The following KCNH1 variants were observed in gnomAD, a reference collection of about 807,000 sequenced individuals.
KCNH1 encodes the protein voltage-gated delayed rectifier potassium channel KCNH1.
In KCNH1, 27 loss-of-function variants were observed where a neutral mutation model predicts 69.2. The ratio of observed to expected loss-of-function variants is 0.39; its 90% CI spans 0.29 to 0.54. The LOEUF is 0.54. KCNH1 is among the 20% of genes least tolerant of loss of function. KCNH1 has a pLI of 0.68. For synonymous variants in KCNH1, 456 were observed against 487.7 expected (o/e 0.93, Z 0.86); for missense variants, 798 against 1,261.6 (o/e 0.63, Z 5.57).
chr1:211,089,422 T>G (rs939087267), intron 4 of KCNH1, among the ~76,000 whole-genome samples: 4 of 152,218 alleles, frequency 2.6e-5, no homozygotes, highest in African/African-American at 9.6e-5. Flanking sequence ...AGGCTGAAAT[T>G]GATTTATTGA....
chr1:211,064,171 T>C (rs965853740), intron 5 of KCNH1, among the ~76,000 whole-genome samples: 10 of 152,172 alleles, frequency 6.6e-5, no homozygotes, highest in Non-Finnish European at 7.3e-5. Context: ...TTGGATATAG[T>C]AATGCAATGG....
chr1:210,912,332 C>T (rs778341629), intron 7 of KCNH1, among the ~76,000 whole-genome samples: 3 of 152,234 alleles, frequency 2.0e-5, no homozygotes, highest in East Asian at 3.9e-4. Flanking sequence ...GGAGGACTTC[C>T]CAACCACACA....
chr1:210,755,913 CATA>C (rs1683390582), intron 10 of KCNH1, among the ~76,000 whole-genome samples: 1 of 152,186 alleles, frequency 6.6e-6, no homozygotes, highest in Non-Finnish European at 1.5e-5. Context: ...CTTAACTTTA[CATA>C]ATAATTTCAT....
chr1:210,766,581 T>C (rs1460839298), intron 10 of KCNH1, among the ~76,000 whole-genome samples: 2 of 152,132 alleles, frequency 1.3e-5, no homozygotes, highest in African/African-American at 4.8e-5. Flanking sequence ...CTAATTGGAT[T>C]AAAAGACAAG....
intron 10 of KCNH1, among the ~76,000 whole-genome samples, chr1:210,689,673 G>A (rs1281395016): frequency 6.6e-6 from 1 of 152,222 alleles, no homozygotes; most frequent in African/African-American, 2.4e-5. Flanking sequence ...GCAGTAGAAA[G>A]AGCACTGGCT....
intron 1 of KCNH1, among the ~76,000 whole-genome samples, chr1:211,113,974 TCA>T (rs371049407): frequency 0.32 from 45,030 of 141,498 alleles, 6,951 homozygotes; most frequent in Non-Finnish European, 0.4. Flanking sequence ...TCTCTCTCTC[TCA>T]CACACACACA....
At chr1:210,953,720 G>C (rs190851481) in intron 6 of KCNH1, among the ~76,000 whole-genome samples, 1 of 152,004 alleles carries the variant, frequency 6.6e-6, no homozygotes, top group Non-Finnish European at 1.5e-5. Context: ...CAGTGCCTAC[G>C]AGTAAAATTC....
At chr1:210,873,941 A>C (rs1332485082) in intron 7 of KCNH1, among the ~76,000 whole-genome samples, 2 of 152,184 alleles carry the variant, frequency 1.3e-5, no homozygotes, top group Non-Finnish European at 2.9e-5. Context: ...ACATGATTCT[A>C]ATATGCAGTC....
chr1:211,059,948 C>A (rs1272179442), intron 5 of KCNH1, among the ~76,000 whole-genome samples: 1 of 152,104 alleles, frequency 6.6e-6, no homozygotes, highest in South Asian at 2.1e-4. Context: ...CTCCTCAGAA[C>A]ATGAATAATT....
chr1:210,890,699 A>G (rs569038564), intron 7 of KCNH1, among the ~76,000 whole-genome samples: 1 of 147,586 alleles, frequency 6.8e-6, no homozygotes, highest in African/African-American at 2.6e-5. Context: ...AATTGACAAG[A>G]AAAAAAAAAC....
At chr1:210,858,955 C>A in intron 7 of KCNH1, 1 of 475,180 alleles carries the variant, frequency 2.1e-6, no homozygotes, top group South Asian at 3.4e-5. Context: ...CCTAAGGTAC[C>A]TCCAATCCCC....
At chr1:211,011,388 T>C (rs1190836402) in intron 6 of KCNH1, among the ~76,000 whole-genome samples, 1 of 152,188 alleles carries the variant, frequency 6.6e-6, no homozygotes, top group African/African-American at 2.4e-5. Flanking sequence ...TGATGGGAAT[T>C]TGGGTTGGTT....
At position 210,986,531 on chromosome 1, in the gene KCNH1, C is replaced by T. The variant is rs550552895; in HGVS notation, c.1032+32252G>A. 6.9e-4 allele frequency among the ~76,000 whole-genome samples: 105 copies of T among 152,216 alleles called. 1 individual carries two copies. The highest frequency in any genetic ancestry group is 1.2e-3 in the Non-Finnish European group (81 of 68,016). On this transcript the variant is annotated intron_variant, in intron 6 of 10. Transcript: ENST00000271751. The stretch of plus-strand genomic sequence containing the variant: ...TTGTCTGTAAAGGATTTTATTTCTC[C>T]TTCACTTATGAAGCTTAGTTTGGCT...
intron 1 of KCNH1, among the ~76,000 whole-genome samples, chr1:211,127,308 T>C (rs1342834900): frequency 1.3e-5 from 2 of 151,886 alleles, no homozygotes; most frequent in Admixed American, 1.3e-4. Context: ...GAAACAAATA[T>C]AAATCATTCA....
intron 9 of KCNH1, among the ~76,000 whole-genome samples, chr1:210,793,899 T>C (rs1036420222): frequency 6.6e-6 from 1 of 152,228 alleles, no homozygotes. Flanking sequence ...GTGATGGCTG[T>C]CTTTCCACTG....
intron 1 of KCNH1, among the ~76,000 whole-genome samples, chr1:211,128,016 C>T (rs1033580514): frequency 3.9e-5 from 6 of 152,146 alleles, no homozygotes; most frequent in Admixed American, 2.6e-4. Context: ...ACAGGCCAGG[C>T]GTGGTGGCTC....
chr1:211,071,169 ATC>A (rs1466700197), intron 5 of KCNH1, among the ~76,000 whole-genome samples: 6 of 152,232 alleles, frequency 3.9e-5, no homozygotes, highest in African/African-American at 1.2e-4. Flanking sequence ...AATTTATATC[ATC>A]TGTTTCCAAT....
rs1320626597 is a variant in KCNH1 at position 210,679,134 on chromosome 1, A to G, written c.*4147T>C. ...GATGTTTGCAGTCAGTGCTGAGAGG[A>G]TCATGAAGTCTCCCCCAGGTGGAGG... On this transcript the variant is annotated 3_prime_UTR_variant, in exon 11 of 11. Coordinates refer to ENST00000271751, the MANE Select transcript of KCNH1 (RefSeq NM_172362.3). 6.6e-6 allele frequency: 1 copy of G among 152,242 alleles called. No individual in the cohort carries two copies. The highest frequency in any genetic ancestry group is 6.5e-5 in the Admixed American group (1 of 15,284). The allele number at this position is 152,242 out of a possible 1,614,324, so 9.4% of individuals were successfully genotyped here. A position where few individuals can be genotyped will look rare whatever the true frequency, so the allele number is the denominator to read the frequency against.
chr1:210,729,013 A>G (rs1044384814), intron 10 of KCNH1, among the ~76,000 whole-genome samples: 28 of 152,390 alleles, frequency 1.8e-4, no homozygotes, highest in Admixed American at 9.1e-4. Flanking sequence ...AAGGCTACCA[A>G]ATGAAAAAGC....
Sources: gnomAD v4.1 joint callset for allele counts (sites outside exome capture counted in the v4.1 genomes callset) on GRCh38, gnomAD v4.1.1 for gene constraint, MANE v1.5 for transcripts, NCBI Gene and HGNC (gene_info 2026-07-23, HGNC 2026-07-21) for gene names.